Variants in NT5DC1 observed in about 807,000 individuals in gnomAD.
NT5DC1 encodes 5'-nucleotidase domain-containing protein 1.
Under a neutral mutation model 59.4 loss-of-function variants are expected in NT5DC1, and 42 were observed. The observed-to-expected ratio is 0.71, with a 90% CI of 0.55 to 0.92. The LOEUF is 0.92. Among genes scored for constraint, NT5DC1 ranks in the 40% least tolerant of loss-of-function variants. NT5DC1 has a pLI of 0.00. For missense variants in NT5DC1, 501 were observed against 537.1 expected, an observed-to-expected ratio of 0.93 and a Z score of 0.66; for synonymous variants, 172 against 188.1, an observed-to-expected ratio of 0.91 and a Z score of 0.70.
At chr6:116,237,678 C>T in intron 9 of NT5DC1, 11 of 327,108 alleles carry the variant, frequency 3.4e-5, no homozygotes, top group Non-Finnish European at 4.9e-5. Flanking sequence ...ACTCCATTGC[C>T]TCAGACTACC....
intron 6 of NT5DC1, among the ~76,000 whole-genome samples, chr6:116,187,932 A>C (rs570437692): frequency 1.3e-5 from 2 of 152,198 alleles, no homozygotes; most frequent in South Asian, 4.1e-4. Context: ...ATAGAAGAGA[A>C]GATATTTGGA....
intron 6 of NT5DC1, among the ~76,000 whole-genome samples, chr6:116,211,077 T>C (rs1781567883): frequency 6.6e-6 from 1 of 152,060 alleles, no homozygotes; most frequent in Admixed American, 6.6e-5. Context: ...TTTGCTTGTC[T>C]TAAAACACTT....
At chr6:116,229,719 C>T (rs1307507261) in intron 8 of NT5DC1, among the ~76,000 whole-genome samples, 1 of 152,156 alleles carries the variant, frequency 6.6e-6, no homozygotes, top group Non-Finnish European at 1.5e-5. Flanking sequence ...ACCGCAGTGT[C>T]GCCAATGCTG....
intron 11 of NT5DC1, among the ~76,000 whole-genome samples, chr6:116,243,437 A>AT (rs61136699): frequency 0.037 from 5,628 of 152,314 alleles, 159 homozygotes; most frequent in African/African-American, 0.073. Context: ...ATTATTATAA[A>AT]TTGCATAGAG....
intron 6 of NT5DC1, among the ~76,000 whole-genome samples, chr6:116,176,081 G>A (rs188305432): frequency 4.6e-5 from 7 of 152,276 alleles, no homozygotes; most frequent in South Asian, 4.1e-4. Flanking sequence ...CTTCTACTAC[G>A]CTGTAATTGT....
chr6:116,109,151 A>G (rs1490658403), intron 3 of NT5DC1, among the ~76,000 whole-genome samples: 1 of 152,212 alleles, frequency 6.6e-6, no homozygotes, highest in East Asian at 1.9e-4. Flanking sequence ...CAACATGGCT[A>G]TGAAGCTATA....
chr6:116,205,672 G>A (rs544427670), intron 6 of NT5DC1, among the ~76,000 whole-genome samples: 51 of 151,912 alleles, frequency 3.4e-4, no homozygotes, highest in African/African-American at 1.1e-3. Flanking sequence ...TGTAGTTTCC[G>A]TCTTTATTCT....
intron 11 of NT5DC1, among the ~76,000 whole-genome samples, chr6:116,241,490 T>C (rs1159192055): frequency 6.6e-6 from 1 of 152,230 alleles, no homozygotes; most frequent in Non-Finnish European, 1.5e-5. Flanking sequence ...TAAGACTATG[T>C]TCAGTATTGA....
At chr6:116,127,924 C>A (rs185502835) in intron 6 of NT5DC1, among the ~76,000 whole-genome samples, 5 of 152,236 alleles carry the variant, frequency 3.3e-5, no homozygotes, top group African/African-American at 1.2e-4. Flanking sequence ...TTTAACCTCT[C>A]TGGGTGTCTG....
chr6:116,213,180 C>T (rs992369771), intron 6 of NT5DC1, among the ~76,000 whole-genome samples: 6 of 152,002 alleles, frequency 3.9e-5, no homozygotes, highest in East Asian at 1.9e-4. Flanking sequence ...TGCTTCTAAA[C>T]GTGGGGGTCT....
intron 6 of NT5DC1, among the ~76,000 whole-genome samples, chr6:116,136,015 C>T (rs1779591747): frequency 6.6e-6 from 1 of 151,834 alleles, no homozygotes; most frequent in Admixed American, 6.6e-5. Context: ...AGTCACCATG[C>T]TGTACATTAG....
In NT5DC1 at chr6:116,237,102, AGAAG is replaced by A; in HGVS notation, c.921+19_921+22del. 1.4e-5 allele frequency: 19 copies of A among 1,387,384 alleles called. No homozygotes were observed. The highest frequency in any genetic ancestry group is 2.8e-5 in the African/African-American group (2 of 70,696). The allele number at this position is 1,387,384 out of a possible 1,614,324, so 85.9% of individuals were successfully genotyped here. Reference sequence around the variant, plus strand: ...AACCCAAGGTATTTCCCAGTTGAGGAGAAGTCCTCAGTGCCCACTTGCAGACATA... The same window carrying A: ...AACCCAAGGTATTTCCCAGTTGAGGATCCTCAGTGCCCACTTGCAGACATA... On this transcript the variant is annotated intron_variant, in intron 9 of 11. Transcript: ENST00000319550.
intron 6 of NT5DC1, among the ~76,000 whole-genome samples, chr6:116,172,650 A>T (rs1780637552): frequency 6.6e-6 from 1 of 152,146 alleles, no homozygotes; most frequent in African/African-American, 2.4e-5. Context: ...CTTTGTAAGG[A>T]AATTGTTTAT....
At position 116,245,474 on chromosome 6, in the gene NT5DC1, A is replaced by C. The variant is rs1771829773; in HGVS notation, c.*1450A>C. 7.5e-6 allele frequency: 1 copy of C among 134,070 alleles called. No individual in the cohort carries two copies. The highest frequency in any genetic ancestry group is 1.8e-5 in the Non-Finnish European group (1 of 56,912). The allele number at this position is 134,070 out of a possible 1,614,324, so 8.3% of individuals were successfully genotyped here. ...CAGGGTAAGTAACAAAAAAACAAAC[A>C]AAAAAAATCACTGAAATTTTTCCCT... On this transcript the variant is annotated 3_prime_UTR_variant, in exon 12 of 12. Transcript: ENST00000319550.
chr6:116,107,916 G>T (rs1271614289), intron 2 of NT5DC1, among the ~76,000 whole-genome samples: 1 of 152,106 alleles, frequency 6.6e-6, no homozygotes, highest in Non-Finnish European at 1.5e-5. Flanking sequence ...GCAAGTTCTT[G>T]TAACCTGACC....
In NT5DC1 at chr6:116,224,741, G is replaced by A. The variant is rs995946771; in HGVS notation, c.802+1610G>A. ...GGTGAAGTTAGGGAGGCAGGCACCC[G>A]CATAAGCGGTGGAAAGGGGTTTAAA... On this transcript the variant is annotated intron_variant, in intron 8 of 11. Coordinates refer to ENST00000319550, the MANE Select transcript of NT5DC1 (RefSeq NM_152729.3). 5.9e-5 allele frequency among the ~76,000 whole-genome samples: 9 copies of A among 152,222 alleles called. No homozygotes were observed. The South Asian group carries it at 1.0e-3, about 18-fold the overall frequency.
At chr6:116,231,024 T>G (rs1223753173) in intron 8 of NT5DC1, among the ~76,000 whole-genome samples, 1 of 149,338 alleles carries the variant, frequency 6.7e-6, no homozygotes, top group African/African-American at 2.5e-5. Context: ...GAAAATCGCT[T>G]GAACCCAGGA....
At chr6:116,200,737 C>G (rs889174316) in intron 6 of NT5DC1, among the ~76,000 whole-genome samples, 1 of 151,968 alleles carries the variant, frequency 6.6e-6, no homozygotes, top group Non-Finnish European at 1.5e-5. Flanking sequence ...CGTACTTCAT[C>G]TCTTCTCCCA....
rs148509481 is a variant in NT5DC1 at position 116,182,222 on chromosome 6, A to AGAGAGAGAGTGTGTGTGTGT, written c.530-38831_530-38830insAGAGAGAGTGTGTGTGTGTG. 1.8e-3 allele frequency among the ~76,000 whole-genome samples: 219 copies of AGAGAGAGAGTGTGTGTGTGT among 124,682 alleles called. 4 individuals carry two copies. The South Asian group carries it at 0.024, about 14-fold the overall frequency. The allele number at this position is 124,682 out of a possible 152,430, so 81.8% of individuals were successfully genotyped here. On this transcript the variant is annotated intron_variant, in intron 6 of 11. Transcript: ENST00000319550. ...TATGGCTGAGTAGTATTCCATGGAG[A>AGAGAGAGAGTGTGTGTGTGT]GTGTGTGTGTGTGTGTGTGTGTGTG...
Sources: gnomAD v4.1 joint callset for allele counts (sites outside exome capture counted in the v4.1 genomes callset) on GRCh38, gnomAD v4.1.1 for gene constraint, MANE v1.5 for transcripts, NCBI Gene and HGNC (gene_info 2026-07-23, HGNC 2026-07-21) for gene names.